Variants in PGM5 observed in about 807,000 individuals in gnomAD.
The protein encoded by PGM5 is phosphoglucomutase-like protein 5.
Under a neutral mutation model 59.2 loss-of-function variants are expected in PGM5, and 23 were observed. The ratio of observed to expected loss-of-function variants is 0.39; its 90% CI spans 0.28 to 0.55. The LOEUF is 0.55. Ranked by LOEUF, PGM5 falls within the 20% of genes least tolerant of loss-of-function variation. The probability of loss-of-function intolerance (pLI) is 0.66; values close to 1 mark genes in which losing one functional copy is unlikely to be tolerated. For synonymous variants in PGM5, 214 were observed against 286.0 expected (o/e 0.75, Z 2.54); for missense variants, 574 against 748.3 (o/e 0.77, Z 2.72).
At chr9:68,391,079 G>A (rs1222958373) in intron 4 of PGM5, among the ~76,000 whole-genome samples, 1 of 151,952 alleles carries the variant, frequency 6.6e-6, no homozygotes, top group Non-Finnish European at 1.5e-5. Flanking sequence ...GGTAAAATGT[G>A]CTTGTTTTTA....
chr9:68,477,210 A>G (rs1322899271), intron 7 of PGM5, among the ~76,000 whole-genome samples: 2 of 152,228 alleles, frequency 1.3e-5, no homozygotes, highest in Non-Finnish European at 2.9e-5. Flanking sequence ...ACAACTGGAC[A>G]TCCAACAGTG....
At chr9:68,363,803 C>T (rs1326976047) in intron 1 of PGM5, among the ~76,000 whole-genome samples, 2 of 152,232 alleles carry the variant, frequency 1.3e-5, no homozygotes, top group Non-Finnish European at 2.9e-5. Context: ...ACCCAGAAAC[C>T]ACTTGTTTCC....
chr9:68,514,749 A>G (rs1001907348), intron 10 of PGM5, among the ~76,000 whole-genome samples: 1 of 152,204 alleles, frequency 6.6e-6, no homozygotes, highest in African/African-American at 2.4e-5. Flanking sequence ...CAAACCCTCT[A>G]ATGCCAAACT....
chr9:68,485,943 T>C (rs1409610274), intron 9 of PGM5, among the ~76,000 whole-genome samples: 1 of 152,158 alleles, frequency 6.6e-6, no homozygotes, highest in Non-Finnish European at 1.5e-5. Context: ...AGATGGTTCC[T>C]TTGCTGCCGT....
chr9:68,439,225 C>CA (rs1342994596), intron 6 of PGM5, among the ~76,000 whole-genome samples: 1 of 151,744 alleles, frequency 6.6e-6, no homozygotes, highest in Non-Finnish European at 1.5e-5. Flanking sequence ...ATTAGCCAGG[C>CA]ATGGTGGCAA....
At chr9:68,494,893 G>A (rs1215184305) in intron 9 of PGM5, among the ~76,000 whole-genome samples, 1 of 152,220 alleles carries the variant, frequency 6.6e-6, no homozygotes, top group Admixed American at 6.5e-5. Context: ...TTTTCATGTA[G>A]CCTGTGGATC....
At chr9:68,466,270 G>GTT (rs35091577) in intron 7 of PGM5, 3,646 of 554,158 alleles carry the variant, frequency 6.6e-3, no homozygotes, top group South Asian at 8.8e-3. Flanking sequence ...GATACTGTGT[G>GTT]TTTTTTTTTT....
intron 4 of PGM5, among the ~76,000 whole-genome samples, chr9:68,388,306 CTTG>C (rs1361600295): frequency 6.9e-6 from 1 of 144,616 alleles, no homozygotes; most frequent in Non-Finnish European, 1.5e-5. Context: ...CAGCAATTAT[CTTG>C]TTTTCTCATT....
At chr9:68,377,007 A>C (rs2131991465) in intron 1 of PGM5, among the ~76,000 whole-genome samples, 1 of 150,910 alleles carries the variant, frequency 6.6e-6, no homozygotes, top group South Asian at 2.1e-4. Context: ...GCTCACTGCA[A>C]CCTCTGCCTC....
At chr9:68,502,815 G>A (rs558549816) in intron 10 of PGM5, among the ~76,000 whole-genome samples, 2 of 152,152 alleles carry the variant, frequency 1.3e-5, no homozygotes, top group Middle Eastern at 3.4e-3. Flanking sequence ...TCAGCCCCCC[G>A]AGTAGCGGGG....
intron 6 of PGM5, among the ~76,000 whole-genome samples, chr9:68,425,731 A>G (rs896041716): frequency 1.5e-4 from 23 of 152,120 alleles, no homozygotes; most frequent in Admixed American, 1.0e-3. Flanking sequence ...TCTTGAATCA[A>G]TTGTGTTCAT....
chr9:68,484,076 G>A, intron 9 of PGM5, 28 bp downstream of exon 9: 1 of 1,603,982 alleles, frequency 6.2e-7, no homozygotes, highest in South Asian at 1.1e-5. Context: ...ACTACAACGG[G>A]TTATCAGGCA....
intron 1 of PGM5, among the ~76,000 whole-genome samples, chr9:68,375,019 G>C (rs1554677467): frequency 6.6e-6 from 1 of 152,024 alleles, no homozygotes; most frequent in Non-Finnish European, 1.5e-5. Flanking sequence ...TCTTGGTGGG[G>C]GCTGGAGGAT....
intron 6 of PGM5, among the ~76,000 whole-genome samples, chr9:68,461,119 C>T (rs1226887655): frequency 1.3e-5 from 2 of 152,022 alleles, no homozygotes; most frequent in African/African-American, 4.8e-5. Context: ...ACAGGTGTTC[C>T]TGATTCATAG....
intron 6 of PGM5, among the ~76,000 whole-genome samples, chr9:68,409,056 C>T (rs545020982): frequency 5.6e-4 from 85 of 152,130 alleles, no homozygotes; most frequent in African/African-American, 1.9e-3. Context: ...CTTGGCGATG[C>T]GGGCTCTTTT....
At chr9:68,375,335 C>A (rs1434038802) in intron 1 of PGM5, among the ~76,000 whole-genome samples, 7 of 152,226 alleles carry the variant, frequency 4.6e-5, no homozygotes, top group Non-Finnish European at 1.0e-4. Context: ...ATTTTGGAGG[C>A]TATTTACCAC....
intron 2 of PGM5, among the ~76,000 whole-genome samples, chr9:68,379,222 C>T (rs1822003245): frequency 6.6e-6 from 1 of 152,154 alleles, no homozygotes; most frequent in African/African-American, 2.4e-5. Flanking sequence ...AATCAGGATA[C>T]ATCTAAGGAT....
intron 1 of PGM5, among the ~76,000 whole-genome samples, chr9:68,364,077 C>T (rs1304320822): frequency 6.6e-6 from 1 of 152,218 alleles, no homozygotes; most frequent in Non-Finnish European, 1.5e-5. Flanking sequence ...TATTTGTTGA[C>T]TAGTCATGCC....
intron 7 of PGM5, among the ~76,000 whole-genome samples, chr9:68,474,090 GT>G (rs781877151): frequency 6.6e-6 from 1 of 152,170 alleles, no homozygotes; most frequent in East Asian, 1.9e-4. Flanking sequence ...CACCCAAGGA[GT>G]TTTTAAAAAA....
Sources: gnomAD v4.1 joint callset for allele counts (sites outside exome capture counted in the v4.1 genomes callset) on GRCh38, gnomAD v4.1.1 for gene constraint, MANE v1.5 for transcripts, NCBI Gene and HGNC (gene_info 2026-07-23, HGNC 2026-07-21) for gene names.